Variants in TDRKH observed in about 807,000 individuals in gnomAD.
The protein encoded by TDRKH is tudor and KH domain-containing protein.
A neutral mutation model predicts 61.3 loss-of-function variants in TDRKH; 28 were observed. The observed-to-expected ratio is 0.46, with a 90% confidence interval of 0.34 to 0.63. The LOEUF is 0.63. Among genes scored for constraint, TDRKH ranks in the 20% least tolerant of loss-of-function variants. TDRKH has a pLI of 0.01. For synonymous variants in TDRKH, 219 were observed against 244.4 expected, an observed-to-expected ratio of 0.90 and a Z score of 0.97; for missense variants, 540 against 683.4, an observed-to-expected ratio of 0.79 and a Z score of 2.34.
At chr1:151,787,560 C>T (rs541493981) in intron 1 of TDRKH, among the ~76,000 whole-genome samples, 2 of 152,144 alleles carry the variant, frequency 1.3e-5, no homozygotes, top group South Asian at 4.2e-4. Flanking sequence ...AGCTTGTTTC[C>T]ATTATTAATG....
chr1:151,767,553 C>A (rs1648407715), downstream of TDRKH: 1 of 614,384 alleles, frequency 1.6e-6, no homozygotes, highest in Non-Finnish European at 2.5e-6. Flanking sequence ...CTCTGTAGGA[C>A]TTCTGGGACA....
chr1:151,776,742 A>C lies in TDRKH; in HGVS notation c.884-143T>G, dbSNP rs536008661. 6 of 882,188 alleles carry C rather than the reference A, an allele frequency of 6.8e-6. No individual in the cohort carries two copies. In the South Asian group the frequency reaches 1.1e-4, roughly 16 times the overall value. The allele number at this position is 882,188 out of a possible 1,614,324, so 54.6% of individuals were successfully genotyped here. ...GGAGAGGCAACTGGATGAATCAAAC[A>C]AGAATATCCTAAAGAAAGATACTAA... On this transcript the variant is annotated intron_variant, in intron 6 of 12. Coordinates refer to ENST00000368824, the MANE Select transcript of TDRKH (RefSeq NM_001083965.2).
chr1:151,773,197 C>A (rs1648840365), downstream of TDRKH, among the ~76,000 whole-genome samples: 1 of 152,118 alleles, frequency 6.6e-6, no homozygotes, highest in South Asian at 2.1e-4. Flanking sequence ...TGCATGCCAC[C>A]ATGCCTGGCT....
Position 151,781,328 on chromosome 1 carries a change from A to AATATATATATATATAT in TDRKH, c.231+137_231+152dup, listed in dbSNP as rs60652277. ...GCGAAACTCCATCTCAAAAAAAAAAAATATATATATATATATTTTATATAT... is the reference window on the plus strand; with the variant it reads ...GCGAAACTCCATCTCAAAAAAAAAAAATATATATATATATATATATATATATATATATTTTATATAT... On this transcript the variant is annotated intron_variant, in intron 3 of 12. Coordinates refer to ENST00000368824, the MANE Select transcript of TDRKH (RefSeq NM_001083965.2). Among the ~76,000 whole-genome samples, 38 of 68,576 alleles carry AATATATATATATATAT rather than the reference A, an allele frequency of 5.5e-4. 2 individuals are homozygous for AATATATATATATATAT. The highest frequency in any genetic ancestry group is 9.6e-4 in the Non-Finnish European group (28 of 29,274). 45.0% of individuals were successfully genotyped at this position (68,576 alleles called of 152,430 possible).
chr1:151,781,721 C>T, intron 2 of TDRKH, 134 bp from the exon 3 acceptor site: 1 of 724,420 alleles, frequency 1.4e-6, no homozygotes, highest in South Asian at 1.9e-5. Context: ...ACCATAACAA[C>T]AAGGAAAAGT....
Position 151,775,812 on chromosome 1 carries a change from C to A in TDRKH, c.1282+8G>T. The A allele has an allele frequency of 6.2e-7, 1 of 1,612,864 alleles. No homozygotes were observed. Among genetic ancestry groups the A allele is most frequent in the Non-Finnish European group, 8.5e-7 (1 of 1,179,034 alleles). ...AGGTAAGCTCAATAGATGGCATGAC[C>A]AATTTACCTGAGGGAGCAATCCGTG... On this transcript the variant is annotated splice_region_variant and intron_variant, in intron 9 of 12. Coordinates refer to ENST00000368824, the MANE Select transcript of TDRKH (RefSeq NM_001083965.2).
intron 3 of TDRKH, 85 bp downstream of exon 3, chr1:151,781,396 G>A (rs1649803211): frequency 1.0e-6 from 1 of 993,308 alleles, no homozygotes; most frequent in Non-Finnish European, 1.5e-6. Context: ...TGAATGTTTT[G>A]TGATATGGGG....
chr1:151,769,668 G>A (rs897733525), downstream of TDRKH, among the ~76,000 whole-genome samples: 3 of 152,148 alleles, frequency 2.0e-5, no homozygotes, highest in South Asian at 2.1e-4. Flanking sequence ...CTTCCCAGAC[G>A]GGGTGGTGGC....
chr1:151,780,042 C>A lies in TDRKH; in HGVS notation c.330G>T (p.Lys110Asn). Reference sequence around the variant, plus strand: ...GGATCTGATGGATTGCTGCTTTGGCCTTGCACACCTGAACAGGAAAACCAC... The same window carrying A: ...GGATCTGATGGATTGCTGCTTTGGCATTGCACACCTGAACAGGAAAACCAC... ...LISGFPVQVC[K>N]AKAAIHQILT... The change falls in exon 4 of 13, where the codon AAG becomes AAT. Residue 110 changes from lysine (K) to asparagine (N), a missense_variant. Lys to Asn is a moderately conservative substitution (Grantham distance 94). Around this residue, in one of 3 missense-constraint regions of TDRKH, gnomAD observed 156 missense variants for 218.0 expected, o/e 0.72. Transcript: ENST00000368824. 1 of 1,614,216 alleles carries A rather than the reference C, an allele frequency of 6.2e-7. No homozygotes were observed. Among genetic ancestry groups the A allele is most frequent in the Non-Finnish European group, 8.5e-7 (1 of 1,180,044 alleles).
At position 151,776,556 on chromosome 1, in the gene TDRKH, T is replaced by C. The variant is rs970288418; in HGVS notation, c.927A>G (p.Glu309=). 3.7e-6 allele frequency: 6 copies of C among 1,613,982 alleles called. No homozygotes were observed. The highest frequency in any genetic ancestry group is 5.1e-6 in the Non-Finnish European group (6 of 1,179,998). The change falls in exon 7 of 13, where the codon GAA becomes GAG. Residue 309 remains glutamate (E), a synonymous_variant. Coordinates refer to ENST00000368824, the MANE Select transcript of TDRKH (RefSeq NM_001083965.2). ...DFSFHADEYL[E]VYVSASEHPN... ...GGTGCTCAGAAGCAGAAACGTAGAC[T>C]TCTAGGTACTCATCAGCATGAAAAC...
chr1:151,774,809 G>C lies in TDRKH; in HGVS notation c.1537-3C>G. 6.2e-7 allele frequency: 1 copy of C among 1,614,076 alleles called. No homozygotes were observed. The highest frequency in any genetic ancestry group is 8.5e-7 in the Non-Finnish European group (1 of 1,179,960). Reference sequence around the variant, plus strand: ...AGAGAGGCATCTGTTTCTGTGGCCTGAGTGGATGAAAACAGGAAAAAAGGA... The same window carrying C: ...AGAGAGGCATCTGTTTCTGTGGCCTCAGTGGATGAAAACAGGAAAAAAGGA... On this transcript the variant is annotated splice_polypyrimidine_tract_variant and splice_region_variant and intron_variant, in intron 11 of 12. Transcript: ENST00000368824.
intron 1 of TDRKH, among the ~76,000 whole-genome samples, chr1:151,785,010 C>T (rs890689238): frequency 2.6e-5 from 4 of 151,228 alleles, no homozygotes; most frequent in Non-Finnish European, 5.9e-5. Context: ...TGGCTCACTG[C>T]AGCCACAACC....
At chr1:151,787,918 G>C (rs985768695) in intron 1 of TDRKH, among the ~76,000 whole-genome samples, 3 of 151,862 alleles carry the variant, frequency 2.0e-5, no homozygotes, top group African/African-American at 7.3e-5. Flanking sequence ...AGCCCAGGAG[G>C]TGGAAGCTGC....
At position 151,779,237 on chromosome 1, in the gene TDRKH, C is replaced by T. The variant is rs1649509183; in HGVS notation, c.427G>A (p.Gly143Ser). ...CAGATAGAACGAATTGTCTCGCCGC[C>T]TCTCCCTACATTAAACAATATATAA... ...QRSVGRIIGR[G>S]GETIRSICKA... The change falls in exon 5 of 13, where the codon GGC (glycine) becomes AGC (serine). Residue 143 changes from glycine (G) to serine (S), a missense_variant. This residue lies in a region of TDRKH where 156 missense variants were observed against 218.0 expected (regional missense o/e 0.72). Transcript: ENST00000368824. The T allele has an allele frequency of 6.2e-7, 1 of 1,614,044 alleles. No individual in the cohort carries two copies. Among genetic ancestry groups the T allele is most frequent in the Non-Finnish European group, 8.5e-7 (1 of 1,179,998 alleles).
chr1:151,782,464 TA>T (rs1649919885), intron 2 of TDRKH, among the ~76,000 whole-genome samples: 1 of 150,510 alleles, frequency 6.6e-6, no homozygotes. Context: ...AAAAAAAGAC[TA>T]AATAATTTTA....
At chr1:151,773,226 TAG>T (rs919780680), downstream of TDRKH, among the ~76,000 whole-genome samples, 1 of 152,052 alleles carries the variant, frequency 6.6e-6, no homozygotes, top group African/African-American at 2.4e-5. Flanking sequence ...GTATTTTTAG[TAG>T]AGACAGGGTT....
chr1:151,775,382 C>G lies in TDRKH; in HGVS notation c.1434+10G>C. 6.2e-7 allele frequency: 1 copy of G among 1,606,214 alleles called. No homozygotes were observed. The highest frequency in any genetic ancestry group is 8.5e-7 in the Non-Finnish European group (1 of 1,177,096). On this transcript the variant is annotated intron_variant, in intron 10 of 12. Coordinates refer to ENST00000368824, the MANE Select transcript of TDRKH (RefSeq NM_001083965.2). ...AGATATGGCAAGCAGTGAGTGAATG[C>G]CAGTCTTACCTTCCCATTGCTAGTA...
chr1:151,780,579 G>A (rs187476452), intron 3 of TDRKH, among the ~76,000 whole-genome samples: 6 of 152,240 alleles, frequency 3.9e-5, no homozygotes, highest in African/African-American at 7.2e-5. Context: ...GACCAGGCGC[G>A]GTGGCTCACG....
rs1404275348 is a variant in TDRKH at position 151,781,353 on chromosome 1, T to A, written c.231+128A>T. 2.0e-5 allele frequency: 5 copies of A among 250,568 alleles called. No homozygotes were observed. In the South Asian group the frequency reaches 2.8e-4, roughly 14 times the overall value. The allele number at this position is 250,568 out of a possible 1,614,324, so 15.5% of individuals were successfully genotyped here. On this transcript the variant is annotated intron_variant, in intron 3 of 12. Transcript: ENST00000368824. Reference sequence around the variant, plus strand: ...AATATATATATATATATTTTATATATACACACACACATACACACACACACA... The same window carrying A: ...AATATATATATATATATTTTATATAAACACACACACATACACACACACACA...
Sources: gnomAD v4.1 joint callset for allele counts (sites outside exome capture counted in the v4.1 genomes callset) on GRCh38, gnomAD v4.1.1 for gene constraint, gnomAD v4.1.1 regional missense constraint, MANE v1.5 for transcripts, NCBI Gene and HGNC (gene_info 2026-07-23, HGNC 2026-07-21) for gene names.